Variants in ELMO1 observed in about 807,000 individuals in gnomAD.
The protein encoded by ELMO1 is engulfment and cell motility 1.
ELMO1 carries 26 observed loss-of-function variants against 98.9 expected under a neutral mutation model. The observed-to-expected ratio is 0.26, with a 90% CI of 0.19 to 0.36. ELMO1 has a LOEUF of 0.36. ELMO1 is among the 10% of genes least tolerant of loss of function. The pLI is 1.00. For missense variants in ELMO1, 627 were observed against 935.2 expected (o/e 0.67, Z 4.30); for synonymous variants, 346 against 346.0 (o/e 1.00, Z 0.00).
intron 15 of ELMO1, among the ~76,000 whole-genome samples, chr7:37,025,029 A>G (rs1794488784): frequency 6.6e-6 from 1 of 152,208 alleles, no homozygotes; most frequent in Admixed American, 6.5e-5. Context: ...ATTTGCTTAT[A>G]ATTGAAAAAT....
chr7:37,118,532 T>TA (rs1785756352), intron 14 of ELMO1, among the ~76,000 whole-genome samples: 2 of 152,162 alleles, frequency 1.3e-5, no homozygotes, highest in Admixed American at 1.3e-4. Flanking sequence ...GATGAAAAGA[T>TA]AAACACCGAG....
In ELMO1 at chr7:37,213,347, G is replaced by T. The variant is rs1319820377; in HGVS notation, c.942C>A (p.Asp314Glu). Residue 314 changes from aspartate (D) to glutamate (E), a missense_variant, in exon 12 of 22, where the codon GAC becomes GAA. Physicochemically the swap from Asp to Glu is conservative, Grantham distance 45. Around this residue, in one of 3 missense-constraint regions of ELMO1, gnomAD observed 492 missense variants for 715.6 expected, o/e 0.69. Transcript: ENST00000310758. ...LLEDRMMTKM[D>E]PQDQAQRDII... ...AATGAGCACTCACCTGGTCCTGGGG[G>T]TCCATTTTGGTCATCATCCTGTCTT... 1 of 1,612,870 alleles carries T rather than the reference G, an allele frequency of 6.2e-7. No homozygotes were observed. Among genetic ancestry groups the T allele is most frequent in the Non-Finnish European group, 8.5e-7 (1 of 1,179,652 alleles).
intron 5 of ELMO1, among the ~76,000 whole-genome samples, chr7:37,265,266 G>T (rs1289328360): frequency 6.6e-6 from 1 of 151,888 alleles, no homozygotes; most frequent in Non-Finnish European, 1.5e-5. Context: ...CTCAGCTCTG[G>T]ATCTCCTCTC....
chr7:37,055,362 T>C (rs981452773), intron 15 of ELMO1, among the ~76,000 whole-genome samples: 3 of 152,234 alleles, frequency 2.0e-5, no homozygotes, highest in African/African-American at 7.2e-5. Context: ...GAACCTCAAA[T>C]GCTTCATCTT....
chr7:37,243,835 G>A (rs573136753), intron 7 of ELMO1, among the ~76,000 whole-genome samples: 1 of 152,310 alleles, frequency 6.6e-6, no homozygotes, highest in Admixed American at 6.5e-5. Flanking sequence ...CTCTAAGAAA[G>A]AAGGTTTCTA....
Position 36,860,121 on chromosome 7 carries a change from A to G in ELMO1, c.1983+1538T>C, listed in dbSNP as rs6959854. Reference sequence around the variant, plus strand: ...TGGAAGAATACAGTATAAAATCCACATAACATACAAAATGTGTGTGAATCA... The same window carrying G: ...TGGAAGAATACAGTATAAAATCCACGTAACATACAAAATGTGTGTGAATCA... On this transcript the variant is annotated intron_variant, in intron 21 of 21. Coordinates refer to ENST00000310758, the MANE Select transcript of ELMO1 (RefSeq NM_014800.11). Among the ~76,000 whole-genome samples the G allele has an allele frequency of 7.1e-3, 1,083 of 152,358 alleles. 13 individuals are homozygous for G. The highest frequency in any genetic ancestry group is 0.025 in the African/African-American group (1,019 of 41,590).
intron 13 of ELMO1, among the ~76,000 whole-genome samples, chr7:37,171,481 C>CTTTTT (rs71553100): frequency 0.029 from 1,285 of 44,066 alleles, 153 homozygotes; most frequent in Non-Finnish European, 0.033. Context: ...CCAGGCCTTT[C>CTTTTT]TATTTTTTTT....
intron 2 of ELMO1, among the ~76,000 whole-genome samples, chr7:37,335,389 G>A (rs1050112864): frequency 1.3e-5 from 2 of 152,092 alleles, no homozygotes; most frequent in African/African-American, 4.8e-5. Context: ...GCGTCTAAAG[G>A]AGCAGCTTCT....
chr7:37,041,505 T>A (rs911700819), intron 15 of ELMO1, among the ~76,000 whole-genome samples: 6 of 152,158 alleles, frequency 3.9e-5, no homozygotes, highest in Non-Finnish European at 8.8e-5. Context: ...TTTTGTATTT[T>A]TTTTCACTAG....
intron 16 of ELMO1, among the ~76,000 whole-genome samples, chr7:36,897,517 G>A (rs551350513): frequency 5.3e-5 from 8 of 152,194 alleles, no homozygotes; most frequent in African/African-American, 1.9e-4. Flanking sequence ...ATATGGTGAA[G>A]TCCAAGAGGA....
chr7:37,077,397 A>G (rs545820320), intron 15 of ELMO1, among the ~76,000 whole-genome samples: 1 of 152,314 alleles, frequency 6.6e-6, no homozygotes, highest in Admixed American at 6.5e-5. Context: ...GTGAAGAGGA[A>G]GCACGTCACA....
chr7:37,124,383 AC>A (rs1410551316), intron 14 of ELMO1, among the ~76,000 whole-genome samples: 2 of 152,190 alleles, frequency 1.3e-5, no homozygotes, highest in African/African-American at 4.8e-5. Context: ...TTTCTAGAAA[AC>A]CCCATCATCT....
intron 16 of ELMO1, among the ~76,000 whole-genome samples, chr7:36,908,814 A>G (rs1784145361): frequency 6.6e-6 from 1 of 152,172 alleles, no homozygotes; most frequent in Non-Finnish European, 1.5e-5. Context: ...GTATCAAGTG[A>G]GTTGGGTGCA....
At chr7:37,420,117 A>T (rs188448793) in intron 1 of ELMO1, among the ~76,000 whole-genome samples, 1 of 152,312 alleles carries the variant, frequency 6.6e-6, no homozygotes, top group Non-Finnish European at 1.5e-5. Context: ...CCCCTGAGTC[A>T]AAGCACAGGA....
rs139257845 is a variant in ELMO1 at position 37,216,631 on chromosome 7, G to A, written c.831+14C>T. The A allele has an allele frequency of 3.8e-4, 610 of 1,613,948 alleles. 3 individuals are homozygous for A. The African/African-American group carries it at 7.4e-3, about 19-fold the overall frequency. On this transcript the variant is annotated intron_variant, in intron 11 of 21. Transcript: ENST00000310758. ...TCCTCCCCCACAAAGAGGTCACAGC[G>A]CATAGGTACTCACTGTTAAAATGAT... is the stretch of plus-strand genomic sequence containing the variant.
At chr7:37,134,311 G>T (rs1210727189) in intron 13 of ELMO1, among the ~76,000 whole-genome samples, 1 of 152,146 alleles carries the variant, frequency 6.6e-6, no homozygotes, top group East Asian at 1.9e-4. Context: ...GGTAGCTCAT[G>T]CCTGTAGTCC....
In ELMO1 at chr7:36,953,002, C is replaced by T. The variant is rs147814338; in HGVS notation, c.1438-57985G>A. On this transcript the variant is annotated intron_variant, in intron 16 of 21. Coordinates refer to ENST00000310758, the MANE Select transcript of ELMO1 (RefSeq NM_014800.11). ...TTTTTTTTTTTTTGAGATGGAGTCTCGCTCTGTCGCCCCAGCTAAAGTACA... is the reference window on the plus strand; with the variant it reads ...TTTTTTTTTTTTTGAGATGGAGTCTTGCTCTGTCGCCCCAGCTAAAGTACA... 2.6e-3 allele frequency among the ~76,000 whole-genome samples: 332 copies of T among 129,700 alleles called. 1 individual carries two copies. In the Middle Eastern group the frequency reaches 0.04, roughly 15 times the overall value. 85.1% of individuals were successfully genotyped at this position (129,700 alleles called of 152,430 possible).
chr7:37,445,520 C>T (rs1479510739), intron 1 of ELMO1, among the ~76,000 whole-genome samples: 4 of 152,140 alleles, frequency 2.6e-5, no homozygotes, highest in African/African-American at 4.8e-5. Flanking sequence ...AGCTCCTTGC[C>T]TCACCCCCAG....
chr7:37,404,955 C>T (rs1383975452), intron 1 of ELMO1, among the ~76,000 whole-genome samples: 1 of 152,160 alleles, frequency 6.6e-6, no homozygotes, highest in Non-Finnish European at 1.5e-5. Context: ...GCAAACAGCT[C>T]ATGATCAGGA....
Sources: gnomAD v4.1 joint callset for allele counts (sites outside exome capture counted in the v4.1 genomes callset) on GRCh38, gnomAD v4.1.1 for gene constraint, gnomAD v4.1.1 regional missense constraint, MANE v1.5 for transcripts, NCBI Gene and HGNC (gene_info 2026-07-23, HGNC 2026-07-21) for gene names.